RDM1: variants seen among roughly 807,000 people sequenced by gnomAD.
The protein encoded by RDM1 is RAD52 motif-containing protein 1.
In RDM1, 28 loss-of-function variants were observed where a neutral mutation model predicts 27.7. The ratio of observed to expected loss-of-function variants is 1.01; its 90% CI spans 0.75 to 1.39. The LOEUF is 1.39. Among genes scored for constraint, RDM1 ranks in the 40% most tolerant of loss-of-function variants. The probability of loss-of-function intolerance (pLI) is 0.00; values close to 1 mark genes in which losing one functional copy is unlikely to be tolerated. For missense variants in RDM1, 277 were observed against 337.3 expected, an observed-to-expected ratio of 0.82 and a Z score of 1.40; for synonymous variants, 124 against 127.5, an observed-to-expected ratio of 0.97 and a Z score of 0.19.
Position 35,918,270 on chromosome 17 carries a change from C to A in RDM1, c.*72G>T. On this transcript the variant is annotated 3_prime_UTR_variant, in exon 7 of 7. Transcript: ENST00000620284. ...ACTCCAGCAGCCTATAGTGGTGGGGCGGCGTGGGGTAGGGGCACGACAGAG... is the reference window on the plus strand; with the variant it reads ...ACTCCAGCAGCCTATAGTGGTGGGGAGGCGTGGGGTAGGGGCACGACAGAG... 7.7e-7 allele frequency: 1 copy of A among 1,295,140 alleles called. No individual in the cohort carries two copies. 80.2% of individuals were successfully genotyped at this position (1,295,140 alleles called of 1,614,324 possible). A position where few individuals can be genotyped will look rare whatever the true frequency, so the allele number is the denominator to read the frequency against.
chr17:35,930,492 G>T, intron 1 of RDM1, 140 bp downstream of exon 1: 1 of 919,326 alleles, frequency 1.1e-6, no homozygotes, highest in Non-Finnish European at 1.6e-6. Context: ...GTCGTCAGTT[G>T]TCAGTTGGGA....
At chr17:35,921,578 T>C (rs1311866566) in intron 5 of RDM1, among the ~76,000 whole-genome samples, 1 of 152,244 alleles carries the variant, frequency 6.6e-6, no homozygotes, top group Non-Finnish European at 1.5e-5. Context: ...GCAAAGCAGC[T>C]GATTTTTGTA....
intron 2 of RDM1, among the ~76,000 whole-genome samples, chr17:35,926,972 AC>A (rs1320675938): frequency 6.6e-6 from 1 of 152,088 alleles, no homozygotes; most frequent in Non-Finnish European, 1.5e-5. Flanking sequence ...GTTGAGTGCC[AC>A]TGGCGAGACC....
rs766240260 is a variant in RDM1 at position 35,920,456 on chromosome 17, C to CTTTCT, written c.668-185_668-184insAGAAA. ...CAGTTTTTTCTTTCTTTCTTTCTTT[C>CTTTCT]TTTTTTTTTTTTTTTTTAGAAGACA... On this transcript the variant is annotated intron_variant, in intron 5 of 6. Coordinates refer to ENST00000620284, the MANE Select transcript of RDM1 (RefSeq NM_145654.4). Among the ~76,000 whole-genome samples, 18 of 118,002 alleles carry CTTTCT rather than the reference C, an allele frequency of 1.5e-4. No homozygotes were observed. The East Asian group carries it at 3.4e-3, about 22-fold the overall frequency. The allele number at this position is 118,002 out of a possible 152,430, so 77.4% of individuals were successfully genotyped here.
At chr17:35,920,833 A>G (rs907640411) in intron 5 of RDM1, among the ~76,000 whole-genome samples, 5 of 152,198 alleles carry the variant, frequency 3.3e-5, no homozygotes, top group Non-Finnish European at 7.3e-5. Context: ...ACAGATAGGA[A>G]CTAAGGAATA....
At chr17:35,919,119 C>G (rs1346358304) in intron 6 of RDM1, among the ~76,000 whole-genome samples, 4 of 152,096 alleles carry the variant, frequency 2.6e-5, no homozygotes, top group Admixed American at 2.6e-4. Context: ...ATTAAAATAA[C>G]TATTTTACAG....
intron 6 of RDM1, among the ~76,000 whole-genome samples, chr17:35,919,325 A>G (rs1381811388): frequency 6.6e-6 from 1 of 152,194 alleles, no homozygotes; most frequent in Non-Finnish European, 1.5e-5. Flanking sequence ...GCTTTCATAT[A>G]CAGTCATGCG....
intron 3 of RDM1, among the ~76,000 whole-genome samples, chr17:35,925,160 C>T (rs2089095831): frequency 6.6e-6 from 1 of 151,860 alleles, no homozygotes; most frequent in South Asian, 2.1e-4. Context: ...AAACAAAAAC[C>T]CAATAAAAAA....
chr17:35,925,085 G>T lies in RDM1; in HGVS notation c.400-313C>A, dbSNP rs956902783. Among the ~76,000 whole-genome samples, 5 of 152,244 alleles carry T rather than the reference G, an allele frequency of 3.3e-5. 1 individual carries two copies. On this transcript the variant is annotated intron_variant, in intron 3 of 6. Transcript: ENST00000620284. ...GGAGGCAGATTTTGCAGTGAGCTGAGATAGCGCCACTGCACTCCAGCCTGA... is the reference window on the plus strand; with the variant it reads ...GGAGGCAGATTTTGCAGTGAGCTGATATAGCGCCACTGCACTCCAGCCTGA...
chr17:35,919,025 T>G (rs1409123374), intron 6 of RDM1, among the ~76,000 whole-genome samples: 1 of 152,250 alleles, frequency 6.6e-6, no homozygotes, highest in Non-Finnish European at 1.5e-5. Context: ...ATTTCTGAAA[T>G]CAGTGCTGAC....
At chr17:35,927,733 C>T (rs911343045) in intron 2 of RDM1, among the ~76,000 whole-genome samples, 3 of 151,992 alleles carry the variant, frequency 2.0e-5, no homozygotes, top group African/African-American at 7.2e-5. Flanking sequence ...ACATTTCCTT[C>T]ATTACTGTCT....
At chr17:35,922,213 G>A (rs551805431) in intron 5 of RDM1, 148 of 179,118 alleles carry the variant, frequency 8.3e-4, no homozygotes, top group African/African-American at 3.2e-3. Context: ...GAGCCACCGC[G>A]CCCGGCCTAA....
intron 5 of RDM1, among the ~76,000 whole-genome samples, chr17:35,921,048 T>G (rs2088927995): frequency 6.6e-6 from 1 of 152,146 alleles, no homozygotes; most frequent in African/African-American, 2.4e-5. Context: ...CCAGATACAA[T>G]GAACAAAGCT....
intron 4 of RDM1, among the ~76,000 whole-genome samples, chr17:35,924,051 A>AAATAAT (rs557622374): frequency 3.3e-5 from 5 of 151,266 alleles, no homozygotes; most frequent in Admixed American, 6.6e-5. Flanking sequence ...CCATCTCTAA[A>AAATAAT]AATAATAATA....
At position 35,918,185 on chromosome 17, in the gene RDM1, A is replaced by C. The variant is rs1398490816; in HGVS notation, c.*157T>G. On this transcript the variant is annotated 3_prime_UTR_variant, in exon 7 of 7. Coordinates refer to ENST00000620284, the MANE Select transcript of RDM1 (RefSeq NM_145654.4). ...AAGCCTCCCTTCCCACTCCACCAGA[A>C]CACCCCTTCCCTCCCCTTCGCCAGG... The C allele has an allele frequency of 1.6e-6, 1 of 634,828 alleles. No individual in the cohort carries two copies. The highest frequency in any genetic ancestry group is 2.8e-6 in the Non-Finnish European group (1 of 354,622). 39.3% of individuals were successfully genotyped at this position (634,828 alleles called of 1,614,324 possible).
chr17:35,926,463 G>A (rs1028096200), intron 2 of RDM1, among the ~76,000 whole-genome samples: 1 of 151,956 alleles, frequency 6.6e-6, no homozygotes, highest in Non-Finnish European at 1.5e-5. Context: ...GAGTGCAGTG[G>A]CGCGATCTTG....
chr17:35,926,861 A>G (rs980381763), intron 2 of RDM1, among the ~76,000 whole-genome samples: 1 of 152,220 alleles, frequency 6.6e-6, no homozygotes, highest in African/African-American at 2.4e-5. Flanking sequence ...CTATCGATTG[A>G]ATGAATAAAA....
At chr17:35,928,925 A>C (rs1326205038) in intron 2 of RDM1, among the ~76,000 whole-genome samples, 1 of 151,882 alleles carries the variant, frequency 6.6e-6, no homozygotes, top group Admixed American at 6.6e-5. Flanking sequence ...AAATACAAAA[A>C]TTAGCCAGGT....
intron 5 of RDM1, among the ~76,000 whole-genome samples, chr17:35,920,563 G>A (rs2088906766): frequency 6.7e-6 from 1 of 150,072 alleles, no homozygotes; most frequent in Non-Finnish European, 1.5e-5. Flanking sequence ...GGGATCAAGT[G>A]ATCCCCCTGG....
Sources: allele counts gnomAD v4.1 joint callset (sites outside exome capture counted in the v4.1 genomes callset), GRCh38; gene constraint gnomAD v4.1.1; transcripts MANE v1.5; gene names NCBI Gene and HGNC (gene_info 2026-07-23, HGNC 2026-07-21).